Variants in GRIN2A observed in about 807,000 individuals in gnomAD.
GRIN2A encodes glutamate receptor ionotropic, NMDA 2A.
A neutral mutation model predicts 113.4 loss-of-function variants in GRIN2A; 22 were observed. That is an observed-to-expected ratio of 0.19 (90% CI 0.14 to 0.28). GRIN2A has a LOEUF of 0.28. Among genes scored for constraint, GRIN2A ranks in the 10% least tolerant of loss-of-function variants. The pLI, the probability that GRIN2A is intolerant of heterozygous loss-of-function variation, is 1.00. For missense variants in GRIN2A, 1,502 were observed against 1,887.0 expected (o/e 0.80, Z 3.78); for synonymous variants, 827 against 738.4 (o/e 1.12, Z -1.94).
chr16:9,768,643 G>A (rs1233265285), intron 12 of GRIN2A, among the ~76,000 whole-genome samples: 1 of 152,166 alleles, frequency 6.6e-6, no homozygotes, highest in African/African-American at 2.4e-5. Flanking sequence ...CCCGCCTGCT[G>A]CACCCACTCC....
chr16:9,901,584 C>A (rs926834361), intron 3 of GRIN2A, among the ~76,000 whole-genome samples: 1 of 152,014 alleles, frequency 6.6e-6, no homozygotes, highest in Non-Finnish European at 1.5e-5. Context: ...CTCAGCCTCC[C>A]GAGTAGCTGA....
At chr16:9,948,646 C>T (rs988016267) in intron 2 of GRIN2A, among the ~76,000 whole-genome samples, 1 of 152,192 alleles carries the variant, frequency 6.6e-6, no homozygotes, top group Non-Finnish European at 1.5e-5. Context: ...CAGTCCCCAT[C>T]GTCTTATCCA....
chr16:9,829,393 C>T (rs753043502), intron 9 of GRIN2A, 30 bp downstream of exon 9: 2 of 1,445,992 alleles, frequency 1.4e-6, no homozygotes, highest in South Asian at 2.3e-5. Flanking sequence ...GACCAACCCT[C>T]AGATGGAGAG....
intron 2 of GRIN2A, among the ~76,000 whole-genome samples, chr16:10,076,949 A>G (rs1467125965): frequency 3.3e-5 from 5 of 152,230 alleles, no homozygotes; most frequent in Admixed American, 3.3e-4. Flanking sequence ...AAAGATCTTC[A>G]GAGGGGAATT....
At chr16:10,038,497 A>G (rs1368446871) in intron 2 of GRIN2A, among the ~76,000 whole-genome samples, 2 of 151,874 alleles carry the variant, frequency 1.3e-5, no homozygotes, top group Non-Finnish European at 2.9e-5. Flanking sequence ...TCCTCCACCT[A>G]CTAGATGCCA....
chr16:9,894,794 T>C (rs1293760857), intron 3 of GRIN2A, among the ~76,000 whole-genome samples: 1 of 152,166 alleles, frequency 6.6e-6, no homozygotes, highest in Non-Finnish European at 1.5e-5. Context: ...TGACAGATCA[T>C]CACCAAAGGG....
At chr16:9,825,617 G>A (rs1367066065) in intron 9 of GRIN2A, among the ~76,000 whole-genome samples, 1 of 152,160 alleles carries the variant, frequency 6.6e-6, no homozygotes, top group Middle Eastern at 3.4e-3. Context: ...TGTCTTCTGT[G>A]CCTGTAAATA....
At chr16:10,160,784 G>T (rs1301675434) in intron 2 of GRIN2A, among the ~76,000 whole-genome samples, 1 of 152,172 alleles carries the variant, frequency 6.6e-6, no homozygotes, top group African/African-American at 2.4e-5. Flanking sequence ...CTGTTAATTT[G>T]CTCTTCCTCC....
At chr16:9,937,083 C>T (rs1018999094) in intron 3 of GRIN2A, among the ~76,000 whole-genome samples, 1 of 150,256 alleles carries the variant, frequency 6.7e-6, no homozygotes, top group African/African-American at 2.5e-5. Context: ...TTCAAAATCC[C>T]TAAATTAAAT....
intron 3 of GRIN2A, among the ~76,000 whole-genome samples, chr16:9,933,111 C>A (rs948260871): frequency 6.6e-6 from 1 of 152,206 alleles, no homozygotes; most frequent in African/African-American, 2.4e-5. Flanking sequence ...GGTTATATAA[C>A]ATGGCTGAGC....
intron 2 of GRIN2A, among the ~76,000 whole-genome samples, chr16:10,004,805 C>T (rs1293464760): frequency 6.6e-6 from 1 of 152,134 alleles, no homozygotes; most frequent in Non-Finnish European, 1.5e-5. Flanking sequence ...TATCAAGATG[C>T]TTAACTTAAT....
At chr16:9,945,447 A>G (rs1354955522) in intron 2 of GRIN2A, among the ~76,000 whole-genome samples, 1 of 152,158 alleles carries the variant, frequency 6.6e-6, no homozygotes, top group Non-Finnish European at 1.5e-5. Context: ...GGAGCAAGAG[A>G]GAGTGGTGAG....
At chr16:9,985,708 T>G (rs952829399) in intron 2 of GRIN2A, among the ~76,000 whole-genome samples, 1 of 151,750 alleles carries the variant, frequency 6.6e-6, no homozygotes, top group African/African-American at 2.4e-5. Flanking sequence ...GGAAGGGTAG[T>G]TGGGGGATGG....
chr16:9,920,076 T>A (rs905123869), intron 3 of GRIN2A, among the ~76,000 whole-genome samples: 1 of 152,242 alleles, frequency 6.6e-6, no homozygotes, highest in African/African-American at 2.4e-5. Flanking sequence ...TTATTTTCTC[T>A]CTTCTCACTA....
At chr16:9,781,366 CTT>C (rs930615462) in intron 11 of GRIN2A, among the ~76,000 whole-genome samples, 1 of 152,022 alleles carries the variant, frequency 6.6e-6, no homozygotes, top group Non-Finnish European at 1.5e-5. Context: ...GGAAACAAAA[CTT>C]TTTTTTCTTT....
intron 11 of GRIN2A, among the ~76,000 whole-genome samples, chr16:9,792,576 CA>C: frequency 6.6e-6 from 1 of 152,246 alleles, no homozygotes; most frequent in Non-Finnish European, 1.5e-5. Context: ...AAATACTTCA[CA>C]TATCTATTAT....
At chr16:10,169,049 T>C (rs994312530) in intron 2 of GRIN2A, among the ~76,000 whole-genome samples, 1 of 151,172 alleles carries the variant, frequency 6.6e-6, no homozygotes, top group African/African-American at 2.4e-5. Flanking sequence ...CCCAGAACAA[T>C]AACAAAATTA....
chr16:9,924,964 T>C (rs1274239628), intron 3 of GRIN2A, among the ~76,000 whole-genome samples: 2 of 152,244 alleles, frequency 1.3e-5, no homozygotes, highest in Non-Finnish European at 2.9e-5. Context: ...ATGTGCCAAT[T>C]CCAACATTCA....
Position 9,817,888 on chromosome 16 carries a change from C to G in GRIN2A, c.2168+4376G>C, listed in dbSNP as rs149179415. Among the ~76,000 whole-genome samples, 4 of 152,300 alleles carry G rather than the reference C, an allele frequency of 2.6e-5. No individual in the cohort carries two copies. The East Asian group carries it at 7.7e-4, about 29-fold the overall frequency. On this transcript the variant is annotated intron_variant, in intron 10 of 12. Coordinates refer to ENST00000330684, the MANE Select transcript of GRIN2A (RefSeq NM_001134407.3). ...ATGCTCTGGATGTTCTAAGTCAAGG[C>G]TTGCTGGATTCTAGGGTGTTGGGGG...
Sources: gnomAD v4.1 joint callset for allele counts (sites outside exome capture counted in the v4.1 genomes callset) on GRCh38, gnomAD v4.1.1 for gene constraint, MANE v1.5 for transcripts, NCBI Gene and HGNC (gene_info 2026-07-23, HGNC 2026-07-21) for gene names.